The following C4orf50 variants were observed in gnomAD, a reference collection of about 807,000 sequenced individuals.
C4orf50 encodes the protein uncharacterized protein C4orf50.
C4orf50 carries 80 observed loss-of-function variants against 77.2 expected under a neutral mutation model. The observed-to-expected ratio is 1.04, with a 90% CI of 0.87 to 1.25. The LOEUF is 1.25. Among genes scored for constraint, C4orf50 ranks in the 50% most tolerant of loss-of-function variants. C4orf50 has a pLI of 0.00. For synonymous variants in C4orf50, 532 were observed against 465.3 expected (o/e 1.14, Z -1.84); for missense variants, 1,257 against 1,152.9 (o/e 1.09, Z -1.31).
chr4:5,924,499 C>T (rs937937038), intron 7 of C4orf50, among the ~76,000 whole-genome samples: 3 of 152,136 alleles, frequency 2.0e-5, no homozygotes, highest in Non-Finnish European at 2.9e-5. Context: ...AAAGGCCAGA[C>T]GGTTTGTTGG....
chr4:5,993,778 C>T (rs149748894), intron 26 of C4orf50, among the ~76,000 whole-genome samples: 3,292 of 151,622 alleles, frequency 0.022, 130 homozygotes, highest in African/African-American at 0.076. Context: ...GATCACACAA[C>T]TGTACTCCAG....
chr4:5,989,562 C>G, exon 28 of C4orf50: 3 of 1,536,164 alleles, frequency 2.0e-6, no homozygotes, highest in Non-Finnish European at 2.6e-6. Context: ...AGGCTGAGCA[C>G]TGCCAGCCCC....
exon 34 of C4orf50, chr4:5,959,204 G>C: frequency 1.3e-6 from 1 of 752,212 alleles, no homozygotes. Context: ...GCACAGGCCA[G>C]CGTTTCTCTC....
intron 7 of C4orf50, among the ~76,000 whole-genome samples, chr4:5,933,195 G>A (rs183687247): frequency 3.7e-4 from 56 of 152,334 alleles, no homozygotes; most frequent in Non-Finnish European, 6.6e-4. Flanking sequence ...GTGGAAGAAG[G>A]ATCAGATGCT....
chr4:5,960,149 A>G (rs1719193006), intron 33 of C4orf50, among the ~76,000 whole-genome samples: 1 of 152,206 alleles, frequency 6.6e-6, no homozygotes, highest in Non-Finnish European at 1.5e-5. Flanking sequence ...AAGAGATTCT[A>G]AATGCCTTCA....
rs769910855 is a variant in C4orf50, at chr4:5,935,784, T to TAA, written c.*2474+21115_*2474+21116dup. On this transcript the variant is annotated intron_variant, in intron 7 of 7. Transcript: ENST00000324058. ...CTGGGCGACAGAGGGAGACTCCGTC[T>TAA]AAAAAAAAAAAAAAAAAAAAAAAAA... Among the ~76,000 whole-genome samples, 72 of 31,464 alleles carry TAA rather than the reference T, an allele frequency of 2.3e-3. 1 individual carries two copies. The highest frequency in any genetic ancestry group is 4.6e-3 in the African/African-American group (58 of 12,578). The allele number at this position is 31,464 out of a possible 152,430, so 20.6% of individuals were successfully genotyped here. A position where few individuals can be genotyped will look rare whatever the true frequency, so the allele number is the denominator to read the frequency against.
At chr4:5,960,832 C>T (rs1308815652) in intron 33 of C4orf50, among the ~76,000 whole-genome samples, 3 of 152,196 alleles carry the variant, frequency 2.0e-5, no homozygotes, top group African/African-American at 4.8e-5. Context: ...ATGTGCGCAT[C>T]AGGAGTCTGG....
chr4:6,004,223 G>A (rs370970136), intron 25 of C4orf50, among the ~76,000 whole-genome samples: 843 of 75,816 alleles, frequency 0.011, 21 homozygotes, highest in East Asian at 0.018. Flanking sequence ...TGATGGTGAT[G>A]ATGTGATGGT....
At chr4:5,942,151 G>A (rs577562797) in intron 7 of C4orf50, among the ~76,000 whole-genome samples, 1 of 152,236 alleles carries the variant, frequency 6.6e-6, no homozygotes, top group South Asian at 2.1e-4. Context: ...GGTGTGGGGT[G>A]GGTTACAAAT....
chr4:5,907,910 G>A (rs1716625907), intron 7 of C4orf50, among the ~76,000 whole-genome samples: 1 of 152,216 alleles, frequency 6.6e-6, no homozygotes, highest in African/African-American at 2.4e-5. Context: ...AAGGTGCCAT[G>A]AGGCAGAGGA....
chr4:5,963,039 T>C (rs28505909), intron 33 of C4orf50, among the ~76,000 whole-genome samples: 100,377 of 149,462 alleles, frequency 0.67, 34,587 homozygotes, highest in African/African-American at 0.74. Flanking sequence ...TCTCGCTCTG[T>C]TGCCCTGGCT....
chr4:5,929,183 C>A (rs991016176), intron 7 of C4orf50, among the ~76,000 whole-genome samples: 6 of 152,142 alleles, frequency 3.9e-5, no homozygotes, highest in Non-Finnish European at 7.3e-5. Flanking sequence ...AATCATAGCA[C>A]GATAAATCCC....
At chr4:5,943,082 A>C (rs1718330058) in intron 7 of C4orf50, among the ~76,000 whole-genome samples, 2 of 152,170 alleles carry the variant, frequency 1.3e-5, no homozygotes, top group Non-Finnish European at 2.9e-5. Context: ...AGGATATTTG[A>C]TTATCCTAGT....
intron 7 of C4orf50, among the ~76,000 whole-genome samples, chr4:5,937,852 T>C (rs1437987831): frequency 6.6e-6 from 1 of 152,216 alleles, no homozygotes; most frequent in Non-Finnish European, 1.5e-5. Context: ...TACTACCTAA[T>C]TGTAAAACAA....
intron 23 of C4orf50, among the ~76,000 whole-genome samples, chr4:6,016,878 A>G (rs566434043): frequency 3.0e-4 from 46 of 152,342 alleles, no homozygotes; most frequent in Non-Finnish European, 6.0e-4. Context: ...ATCAAAGGCA[A>G]GTACAAGAAA....
chr4:5,990,093 G>T lies in C4orf50; in HGVS notation c.1953C>A (p.Tyr651Ter). The T allele has an allele frequency of 3.1e-6, 4 of 1,308,284 alleles. No individual in the cohort carries two copies. The South Asian group carries it at 8.9e-5, about 29-fold the overall frequency. The allele number at this position is 1,308,284 out of a possible 1,614,324, so 81.0% of individuals were successfully genotyped here. A position where few individuals can be genotyped will look rare whatever the true frequency, so the allele number is the denominator to read the frequency against. ...ACAGTCCTCCTCGGAGACCCCAGAC[G>T]TATCCTTCCACCCTTTCCCTCCTGC... The change falls in exon 28 of 34, where the codon TAC becomes TAA. Residue 651 changes from tyrosine (Y) to a stop codon, truncating the protein, a stop_gained. Transcript: ENST00000531445. LOFTEE classifies it high-confidence loss of function.
Position 5,967,609 on chromosome 4 carries a change from G to A in C4orf50, c.4105-147C>T, listed in dbSNP as rs1210233955. On this transcript the variant is annotated intron_variant, in intron 31 of 33. Coordinates refer to ENST00000531445, the Ensembl canonical transcript of C4orf50. ...TAGGACCAACCCTGCCTGTGTGCAT[G>A]AAGACCTCCCTCCTCTTCTCTCCAG... 3 of 682,790 alleles carry A rather than the reference G, an allele frequency of 4.4e-6. No homozygotes were observed. In the East Asian group the frequency reaches 7.7e-5, roughly 18 times the overall value. The allele number at this position is 682,790 out of a possible 1,614,324, so 42.3% of individuals were successfully genotyped here. A position where few individuals can be genotyped will look rare whatever the true frequency, so the allele number is the denominator to read the frequency against.
In C4orf50 at chr4:5,935,784, TAAAAAAAAA is replaced by T. The variant is rs769910855; in HGVS notation, c.*2474+21108_*2474+21116del. ...CTGGGCGACAGAGGGAGACTCCGTC[TAAAAAAAAA>T]AAAAAAAAAAAAAAAAAGCCCCAGA... On this transcript the variant is annotated intron_variant, in intron 7 of 7. Coordinates refer to the C4orf50 transcript ENST00000324058. 2.2e-3 allele frequency among the ~76,000 whole-genome samples: 69 copies of T among 31,494 alleles called. 1 individual carries two copies. Among genetic ancestry groups the T allele is most frequent in the African/African-American group, 4.7e-3 (59 of 12,586 alleles). 20.7% of individuals were successfully genotyped at this position (31,494 alleles called of 152,430 possible).
chr4:5,990,083 G>T, exon 28 of C4orf50: 3 of 1,312,454 alleles, frequency 2.3e-6, no homozygotes, highest in Non-Finnish European at 2.9e-6. Flanking sequence ...CCTCCTCGGA[G>T]ACCCCAGACG....
Sources: allele counts gnomAD v4.1 joint callset (sites outside exome capture counted in the v4.1 genomes callset), GRCh38; gene constraint gnomAD v4.1.1; transcripts MANE v1.5; gene names NCBI Gene and HGNC (gene_info 2026-07-23, HGNC 2026-07-21).